Variants in L3MBTL3 observed in about 807,000 individuals in gnomAD.
L3MBTL3 encodes lethal(3)malignant brain tumor-like protein 3.
A neutral mutation model predicts 102.3 loss-of-function variants in L3MBTL3; 27 were observed. The ratio of observed to expected loss-of-function variants is 0.26; its 90% confidence interval spans 0.19 to 0.36. L3MBTL3 has a LOEUF of 0.36. Ranked by LOEUF, L3MBTL3 falls within the 10% of genes least tolerant of loss-of-function variation. The probability of loss-of-function intolerance (pLI) is 1.00; values close to 1 mark genes in which losing one functional copy is unlikely to be tolerated. For synonymous variants in L3MBTL3, 340 were observed against 320.9 expected (o/e 1.06, Z -0.64); for missense variants, 798 against 955.3 (o/e 0.84, Z 2.17).
chr6:130,040,426 GA>G, intron 2 of L3MBTL3, among the ~76,000 whole-genome samples: 1 of 151,628 alleles, frequency 6.6e-6, no homozygotes, highest in Non-Finnish European at 1.5e-5. Context: ...TGGTCATTTT[GA>G]AAATTTTGCT....
chr6:130,135,079 T>C (rs926552958), intron 22 of L3MBTL3, among the ~76,000 whole-genome samples: 2 of 150,718 alleles, frequency 1.3e-5, no homozygotes, highest in Non-Finnish European at 3.0e-5. Context: ...CCTTTTTTTT[T>C]TTTTTTTTTT....
At chr6:130,051,225 G>C in intron 5 of L3MBTL3, 24 bp from the exon 6 acceptor site, 2 of 1,583,898 alleles carry the variant, frequency 1.3e-6, no homozygotes, top group Non-Finnish European at 1.7e-6. Flanking sequence ...GTTGTAATTT[G>C]CATTTCTTCT....
At chr6:130,042,404 C>A (rs963273015) in intron 2 of L3MBTL3, among the ~76,000 whole-genome samples, 2 of 152,076 alleles carry the variant, frequency 1.3e-5, no homozygotes, top group African/African-American at 2.4e-5. Flanking sequence ...AGTGAATATG[C>A]CTTGAATAAA....
At chr6:130,122,776 TCTA>T (rs34914001) in intron 20 of L3MBTL3, among the ~76,000 whole-genome samples, 36,171 of 152,016 alleles carry the variant, frequency 0.24, 5,354 homozygotes, top group Non-Finnish European at 0.34. Flanking sequence ...AGGTCTCAGC[TCTA>T]CTACTTCCTA....
intron 13 of L3MBTL3, among the ~76,000 whole-genome samples, chr6:130,074,256 T>C (rs1481910409): frequency 6.6e-6 from 1 of 152,214 alleles, no homozygotes; most frequent in Non-Finnish European, 1.5e-5. Context: ...TTAGTTGCAA[T>C]AAAACATTTC....
At chr6:130,092,956 T>C in intron 17 of L3MBTL3, 97 bp downstream of exon 17, 1 of 701,834 alleles carries the variant, frequency 1.4e-6, no homozygotes, top group Non-Finnish European at 2.5e-6. Flanking sequence ...CTCCTCTCTC[T>C]ACTGATGTTT....
intron 19 of L3MBTL3, among the ~76,000 whole-genome samples, chr6:130,113,297 G>GC (rs1412526286): frequency 6.6e-6 from 1 of 152,144 alleles, no homozygotes; most frequent in Non-Finnish European, 1.5e-5. Flanking sequence ...GGTGACAGAT[G>GC]CAAGTAGTCT....
Position 130,066,453 on chromosome 6 carries a change from G to T in L3MBTL3, c.965G>T (p.Cys322Phe), listed in dbSNP as rs754145977. 1 of 1,611,090 alleles carries T rather than the reference G, an allele frequency of 6.2e-7. No homozygotes were observed. The highest frequency in any genetic ancestry group is 1.1e-5 in the South Asian group (1 of 90,574). ...CTGGATATCCACCCAGTTGGGTGGTGTGAGAAAACCGGCCACAAACTCCAT... is the reference window on the plus strand; with the variant it reads ...CTGGATATCCACCCAGTTGGGTGGTTTGAGAAAACCGGCCACAAACTCCAT... ...DALDIHPVGWCEKTGHKLHPP... is the reference protein window; with the variant it reads ...DALDIHPVGWFEKTGHKLHPP... The change falls in exon 11 of 23, where the codon TGT becomes TTT. Residue 322 changes from cysteine to phenylalanine, a missense_variant. Coordinates refer to ENST00000361794, the MANE Select transcript of L3MBTL3 (RefSeq NM_032438.4).
chr6:130,021,994 A>G (rs540363884), intron 1 of L3MBTL3, among the ~76,000 whole-genome samples: 1 of 152,332 alleles, frequency 6.6e-6, no homozygotes, highest in Non-Finnish European at 1.5e-5. Context: ...CATATACAAC[A>G]GGAGAGACGT....
chr6:130,050,960 G>A (rs1327730241), intron 5 of L3MBTL3, among the ~76,000 whole-genome samples: 5 of 152,154 alleles, frequency 3.3e-5, no homozygotes, highest in Non-Finnish European at 7.3e-5. Context: ...TGCGTCTTCT[G>A]AATTTAGTGA....
chr6:130,055,531 CCTCT>C, intron 8 of L3MBTL3, among the ~76,000 whole-genome samples: 1 of 93,112 alleles, frequency 1.1e-5, no homozygotes, highest in Non-Finnish European at 2.4e-5. Context: ...TGCCTCTCTC[CCTCT>C]CTCCCTCCCT....
At chr6:130,094,821 G>A (rs1784265055) in intron 18 of L3MBTL3, among the ~76,000 whole-genome samples, 1 of 152,086 alleles carries the variant, frequency 6.6e-6, no homozygotes, top group Non-Finnish European at 1.5e-5. Context: ...GAGTGCATTG[G>A]TCCAAAATGC....
chr6:130,057,891 C>G (rs1181160407), intron 9 of L3MBTL3, among the ~76,000 whole-genome samples: 1 of 152,092 alleles, frequency 6.6e-6, no homozygotes, highest in Non-Finnish European at 1.5e-5. Flanking sequence ...CGCCTGTAAT[C>G]CCAGCACTTT....
chr6:130,053,148 C>T (rs2114801306), intron 7 of L3MBTL3, among the ~76,000 whole-genome samples, 157 bp downstream of exon 7: 1 of 151,958 alleles, frequency 6.6e-6, no homozygotes, highest in Admixed American at 6.6e-5. Context: ...GTGTGCCTTG[C>T]TGTCCTGATC....
intron 18 of L3MBTL3, among the ~76,000 whole-genome samples, chr6:130,097,339 A>C (rs1014058975): frequency 6.6e-6 from 1 of 152,226 alleles, no homozygotes; most frequent in Non-Finnish European, 1.5e-5. Context: ...TTACTGAGAA[A>C]CTGCATGTAT....
At chr6:130,099,166 T>C (rs530474960) in intron 18 of L3MBTL3, among the ~76,000 whole-genome samples, 3 of 152,146 alleles carry the variant, frequency 2.0e-5, no homozygotes, top group Non-Finnish European at 4.4e-5. Context: ...TTAGCTGATA[T>C]GTGAAATAAT....
At chr6:130,035,804 G>A (rs1780020769) in intron 2 of L3MBTL3, among the ~76,000 whole-genome samples, 1 of 152,208 alleles carries the variant, frequency 6.6e-6, no homozygotes. Flanking sequence ...TAGAGGAGAT[G>A]AGGAGGAAAA....
intron 2 of L3MBTL3, among the ~76,000 whole-genome samples, chr6:130,038,632 C>T (rs1284453059): frequency 2.6e-5 from 4 of 151,804 alleles, no homozygotes; most frequent in Non-Finnish European, 5.9e-5. Flanking sequence ...TTTTTTGCTG[C>T]TGAGTTATTT....
intron 12 of L3MBTL3, among the ~76,000 whole-genome samples, chr6:130,069,058 G>T (rs548224654): frequency 6.6e-6 from 1 of 152,314 alleles, no homozygotes; most frequent in South Asian, 2.1e-4. Context: ...TGGAGGACGT[G>T]CATGGCTTGT....
Sources: gnomAD v4.1 joint callset for allele counts (sites outside exome capture counted in the v4.1 genomes callset) on GRCh38, gnomAD v4.1.1 for gene constraint, MANE v1.5 for transcripts, NCBI Gene and HGNC (gene_info 2026-07-23, HGNC 2026-07-21) for gene names.